SHOX: variants seen among roughly 807,000 people sequenced by gnomAD.
SHOX encodes SHOX homeobox, also known as short stature homeobox protein.
SHOX carries 12 observed loss-of-function variants against 29.6 expected under a neutral mutation model. The observed-to-expected ratio is 0.41, with a 90% confidence interval of 0.26 to 0.66. The LOEUF is 0.66. Among genes scored for constraint, SHOX ranks in the 30% least tolerant of loss-of-function variants. SHOX has a pLI of 0.35. For synonymous variants in SHOX, 214 were observed against 200.6 expected (o/e 1.07, Z -0.57); for missense variants, 499 against 437.7 (o/e 1.14, Z -1.25).
chrX:650,792 TAAAA>T lies in SHOX; in HGVS notation c.*6180_*6183del, dbSNP rs1041655715. On this transcript the variant is annotated 3_prime_UTR_variant, in exon 5 of 5. Transcript: ENST00000686671. ...GGCTTTCGGTGGACACGTTTGACAT[TAAAA>T]AAAAAAAAAAAAAAAAAAAAAAACT... Among the ~76,000 whole-genome samples the T allele has an allele frequency of 0.012, 615 of 50,814 alleles. 10 individuals are homozygous for T. The highest frequency in any genetic ancestry group is 0.039 in the African/African-American group (572 of 14,746). 33.3% of individuals were successfully genotyped at this position (50,814 alleles called of 152,430 possible). A position where few individuals can be genotyped will look rare whatever the true frequency, so the allele number is the denominator to read the frequency against.
chrX:624,707 T>TTCTTTCTTTCTTTCTG (rs2052473125), intron 1 of SHOX: 1 of 132,178 alleles, frequency 7.6e-6, no homozygotes, highest in Admixed American at 7.4e-5. Context: ...TTTCTTTTCT[T>TTCTTTCTTTCTTTCTG]TCTTTCTTTC....
chrX:657,704 G>A (rs1442441132), intron 5 of SHOX, among the ~76,000 whole-genome samples: 1 of 152,142 alleles, frequency 6.6e-6, no homozygotes, highest in Non-Finnish European at 1.5e-5. Context: ...CGTCTGAAAA[G>A]ATGCCCTTCT....
rs1307966398 is a variant in SHOX, at chrX:649,025, CTTTCTTTCTT to C, written c.*4400_*4409del. ...CTTTTTTGTTTCTTTCTTTCTTTTT[CTTTCTTTCTT>C]TTTCTTTCTTCTTTCTTTCTTCGAT... On this transcript the variant is annotated 3_prime_UTR_variant, in exon 5 of 5. Transcript: ENST00000686671. 3.1e-5 allele frequency among the ~76,000 whole-genome samples: 2 copies of C among 64,962 alleles called. No individual in the cohort carries two copies. Among genetic ancestry groups the C allele is most frequent in the Non-Finnish European group, 8.3e-5 (2 of 24,064 alleles). 42.6% of individuals were successfully genotyped at this position (64,962 alleles called of 152,430 possible). A position where few individuals can be genotyped will look rare whatever the true frequency, so the allele number is the denominator to read the frequency against.
At chrX:625,887 T>TCC (rs1257378155), upstream of SHOX, among the ~76,000 whole-genome samples, 1 of 129,536 alleles carries the variant, frequency 7.7e-6, no homozygotes, top group Admixed American at 8.2e-5. Flanking sequence ...TTTCTCTCTC[T>TCC]CCTCTCTCTC....
intron 1 of SHOX, 131 bp from the exon 2 acceptor site, chrX:634,487 C>A: frequency 1.1e-6 from 1 of 931,026 alleles, no homozygotes; most frequent in Non-Finnish European, 1.7e-6. Flanking sequence ...CTTATGGACC[C>A]CACGCAGTTT....
At position 644,491 on chromosome X, in the gene SHOX, C is replaced by T. The variant is rs1319210411; in HGVS notation, c.734C>T (p.Pro245Leu). The change falls in exon 5 of 5, where the codon CCC becomes CTC. Residue 245 changes from proline (P) to leucine (L), a missense_variant. Pro to Leu is a moderately conservative substitution (Grantham distance 98). Coordinates refer to ENST00000686671, the MANE Select transcript of SHOX (RefSeq NM_000451.4). ...HAPYLMFPPP[P>L]FGLPIASLAE... The stretch of plus-strand genomic sequence containing the variant: ...CCCTACCTGATGTTCCCCCCGCCGC[C>T]CTTCGGGCTGCCCATCGCGTCGCTG... 2.0e-6 allele frequency: 3 copies of T among 1,523,384 alleles called. No individual in the cohort carries two copies. The highest frequency in any genetic ancestry group is 8.8e-7 in the Non-Finnish European group (1 of 1,142,494). 94.4% of individuals were successfully genotyped at this position (1,523,384 alleles called of 1,614,324 possible).
chrX:655,186 C>A (rs1477925076), downstream of SHOX, among the ~76,000 whole-genome samples: 1 of 151,144 alleles, frequency 6.6e-6, no homozygotes, highest in African/African-American at 2.4e-5. Flanking sequence ...CAGCTCACTG[C>A]AACCTCCACC....
upstream of SHOX, among the ~76,000 whole-genome samples, chrX:627,868 C>T (rs768372320): frequency 5.3e-5 from 8 of 152,226 alleles, no homozygotes; most frequent in South Asian, 2.1e-4. Flanking sequence ...GCTGGGAGGA[C>T]GGAGGGTTTT....
rs2052839064 is a variant in SHOX at position 640,754 on chromosome X, G to A, written c.487-67G>A. The A allele has an allele frequency of 2.5e-6, 4 of 1,578,110 alleles. No individual in the cohort carries two copies. In the South Asian group the frequency reaches 4.4e-5, roughly 17 times the overall value. On this transcript the variant is annotated intron_variant, in intron 2 of 4. Transcript: ENST00000686671. ...GTGCTTGGTTCAGCCTCATGGGAAG[G>A]ATGCTCCCTGGGGAGGCTGGGCTGG... is the stretch of plus-strand genomic sequence containing the variant.
downstream of SHOX, among the ~76,000 whole-genome samples, chrX:654,810 G>A (rs994009336): frequency 4.1e-4 from 63 of 151,856 alleles, no homozygotes; most frequent in African/African-American, 1.3e-3. Flanking sequence ...CCAGCCTCCC[G>A]AGTAGCTGGG....
upstream of SHOX, chrX:630,653 T>TG: frequency 1.7e-6 from 1 of 588,474 alleles, no homozygotes; most frequent in East Asian, 2.8e-5. Context: ...ATTGCCGGCC[T>TG]GGGGGGTGGG....
upstream of SHOX, among the ~76,000 whole-genome samples, chrX:627,967 T>C (rs929717826): frequency 3.3e-5 from 5 of 152,076 alleles, no homozygotes; most frequent in African/African-American, 1.2e-4. Context: ...TGGGGAGGCC[T>C]TTAGAAGCAG....
At chrX:640,391 A>T (rs1307085608) in intron 2 of SHOX, among the ~76,000 whole-genome samples, 1 of 151,830 alleles carries the variant, frequency 6.6e-6, no homozygotes, top group African/African-American at 2.4e-5. Flanking sequence ...CAGCCTGGCC[A>T]ACATGGTGAA....
upstream of SHOX, among the ~76,000 whole-genome samples, chrX:629,423 C>T (rs2052607631): frequency 6.6e-6 from 1 of 151,384 alleles, no homozygotes; most frequent in African/African-American, 2.4e-5. Context: ...GTCTTTCCCC[C>T]TCTGTCTCTT....
upstream of SHOX, among the ~76,000 whole-genome samples, chrX:626,850 CTCTG>C (rs1349959816): frequency 4.6e-5 from 7 of 151,240 alleles, no homozygotes; most frequent in South Asian, 2.1e-4. Flanking sequence ...GTCTCTGTCT[CTCTG>C]TCTGTCTCTG....
In SHOX at chrX:650,563, C is replaced by T. The variant is rs1290777024; in HGVS notation, c.*5927C>T. 6.6e-6 allele frequency among the ~76,000 whole-genome samples: 1 copy of T among 151,858 alleles called. No individual in the cohort carries two copies. The highest frequency in any genetic ancestry group is 6.6e-5 in the Admixed American group (1 of 15,218). ...GGGAAATACCAGAGTCCTCTGTCCTCGCCTCTGGGTTTCATGCTGACCTTT... is the reference window on the plus strand; with the variant it reads ...GGGAAATACCAGAGTCCTCTGTCCTTGCCTCTGGGTTTCATGCTGACCTTT... On this transcript the variant is annotated 3_prime_UTR_variant, in exon 5 of 5. Coordinates refer to ENST00000686671, the MANE Select transcript of SHOX (RefSeq NM_000451.4).
At chrX:625,709 A>ATCTC (rs1176888734) in intron 1 of SHOX, among the ~76,000 whole-genome samples, 10 of 46,198 alleles carry the variant, frequency 2.2e-4, no homozygotes, top group African/African-American at 4.5e-4. Flanking sequence ...CTCTCTTTCT[A>ATCTC]TCTCTGTCTC....
At position 634,790 on chromosome X, in the gene SHOX, C is replaced by T; in HGVS notation, c.450C>T (p.Leu150=). Residue 150 remains leucine (L), a synonymous_variant, in exon 2 of 5, where the codon CTC becomes CTT. Coordinates refer to ENST00000686671, the MANE Select transcript of SHOX (RefSeq NM_000451.4). ...CCGACGCCTTCATGCGCGAGGAGCT[C>T]AGCCAGCGCCTGGGGCTCTCCGAGG... ...HYPDAFMREE[L]SQRLGLSEAR... 6.3e-7 allele frequency: 1 copy of T among 1,596,166 alleles called. No homozygotes were observed. Among genetic ancestry groups the T allele is most frequent in the Non-Finnish European group, 8.5e-7 (1 of 1,171,694 alleles).
Position 641,058 on chromosome X carries a change from A to G in SHOX, c.604A>G (p.Met202Val). The change falls in exon 4 of 5, where the codon ATG becomes GTG. Residue 202 changes from methionine to valine, a missense_variant. Transcript: ENST00000686671. The stretch of plus-strand genomic sequence containing the variant: ...CTGCCGAGTGGCACCCTACGTCAAC[A>G]TGGGAGCCTTACGGATGCCTTTCCA... ...DACRVAPYVN[M>V]GALRMPFQQV... 6.2e-7 allele frequency: 1 copy of G among 1,613,744 alleles called. No homozygotes were observed. The highest frequency in any genetic ancestry group is 8.5e-7 in the Non-Finnish European group (1 of 1,179,832).
Sources: gnomAD v4.1 joint callset for allele counts (sites outside exome capture counted in the v4.1 genomes callset) on GRCh38, gnomAD v4.1.1 for gene constraint, MANE v1.5 for transcripts, NCBI Gene and HGNC (gene_info 2026-07-23, HGNC 2026-07-21) for gene names.